ZC3H12B: variants seen among roughly 807,000 people sequenced by gnomAD.
ZC3H12B encodes the protein probable ribonuclease ZC3H12B.
Under a neutral mutation model 43.9 loss-of-function variants are expected in ZC3H12B, and 7 were observed. The ratio of observed to expected loss-of-function variants is 0.16; its 90% confidence interval spans 0.09 to 0.30. The LOEUF is 0.30. Ranked by LOEUF, ZC3H12B falls within the 10% of genes least tolerant of loss-of-function variation. The pLI is 1.00. For synonymous variants in ZC3H12B, 222 were observed against 241.7 expected, an observed-to-expected ratio of 0.92 and a Z score of 0.76; for missense variants, 475 against 670.2, an observed-to-expected ratio of 0.71 and a Z score of 3.22.
the ZC3H12B span, among the ~76,000 whole-genome samples, chrX:65,249,481 T>C: frequency 8.9e-6 from 1 of 112,203 alleles, no homozygotes; most frequent in African/African-American, 3.2e-5. Context: ...TACTTTGAAA[T>C]CAGGTTATGT....
the ZC3H12B span, among the ~76,000 whole-genome samples, chrX:65,083,997 A>G: frequency 2.7e-5 from 3 of 111,842 alleles, no homozygotes; most frequent in South Asian, 7.4e-4. Context: ...TGCTAAGAAC[A>G]TACACTGGGG....
At chrX:65,341,891 A>G in the ZC3H12B span, among the ~76,000 whole-genome samples, 318 of 111,417 alleles carry the variant, frequency 2.9e-3, 3 homozygotes, top group African/African-American at 9.9e-3. Context: ...AAACAAGATA[A>G]ATTCCCCAAT....
the ZC3H12B span, among the ~76,000 whole-genome samples, chrX:65,199,976 T>A: frequency 2.7e-5 from 3 of 110,928 alleles, no homozygotes; most frequent in African/African-American, 6.6e-5. Context: ...AGTAATGGCA[T>A]TTCTGGGTTA....
chrX:65,177,890 C>T, the ZC3H12B span, among the ~76,000 whole-genome samples: 1 of 111,944 alleles, frequency 8.9e-6, no homozygotes, highest in African/African-American at 3.2e-5. Context: ...CATCAAACAA[C>T]CATTGACTTT....
the ZC3H12B span, among the ~76,000 whole-genome samples, chrX:65,095,982 A>G: frequency 1.8e-5 from 2 of 111,250 alleles, no homozygotes; most frequent in Non-Finnish European, 3.8e-5. Flanking sequence ...ACCTTTCAAC[A>G]AAAGATTACA....
chrX:65,294,306 A>G, the ZC3H12B span, among the ~76,000 whole-genome samples: 3 of 111,928 alleles, frequency 2.7e-5, no homozygotes, highest in Non-Finnish European at 5.6e-5. Flanking sequence ...ACAAATGCTG[A>G]AAGAATTCAC....
chrX:65,431,472 C>T (rs984158619), intron 3 of ZC3H12B, among the ~76,000 whole-genome samples: 2 of 112,450 alleles, frequency 1.8e-5, no homozygotes, highest in Admixed American at 9.4e-5. Context: ...TCATGTTGCT[C>T]ACCTGATGCA....
At chrX:65,249,684 C>A in the ZC3H12B span, among the ~76,000 whole-genome samples, 30 of 111,160 alleles carry the variant, frequency 2.7e-4, no homozygotes, top group Non-Finnish European at 5.5e-4. Context: ...TAGCCATCCA[C>A]GAGCATGGGA....
At chrX:65,229,104 G>A in the ZC3H12B span, among the ~76,000 whole-genome samples, 6 of 110,099 alleles carry the variant, frequency 5.4e-5, no homozygotes, top group African/African-American at 1.7e-4. Context: ...GAACAAAGCT[G>A]GAGGCATCAC....
chrX:65,478,416 AT>A (rs1194543317), intron 3 of ZC3H12B, among the ~76,000 whole-genome samples: 5 of 111,713 alleles, frequency 4.5e-5, no homozygotes, highest in East Asian at 2.8e-4. Context: ...ATATCTCATA[AT>A]TTTTTTGTTG....
the ZC3H12B span, among the ~76,000 whole-genome samples, chrX:65,058,937 A>G: frequency 8.9e-6 from 1 of 112,029 alleles, no homozygotes; most frequent in Admixed American, 9.4e-5. Flanking sequence ...GCACAGTATT[A>G]GGGTTGGAGT....
chrX:65,070,879 A>T, the ZC3H12B span, among the ~76,000 whole-genome samples: 1 of 83,887 alleles, frequency 1.2e-5, no homozygotes, highest in African/African-American at 4.8e-5. Context: ...TGCATGGTCG[A>T]TTTTAGAGTA....
At chrX:65,264,278 CA>C in the ZC3H12B span, among the ~76,000 whole-genome samples, 1 of 110,897 alleles carries the variant, frequency 9.0e-6, no homozygotes, top group Non-Finnish European at 1.9e-5. Flanking sequence ...TCCATGTGAA[CA>C]AAAAGCACTT....
chrX:65,377,186 G>C (rs1395224836), intron 2 of ZC3H12B, among the ~76,000 whole-genome samples: 6 of 107,890 alleles, frequency 5.6e-5, no homozygotes, highest in Admixed American at 5.1e-4. Flanking sequence ...TAGTGGACTT[G>C]AAGGTAGGCT....
At chrX:65,118,750 A>T in the ZC3H12B span, among the ~76,000 whole-genome samples, 3 of 107,648 alleles carry the variant, frequency 2.8e-5, no homozygotes, top group East Asian at 6.0e-4. Flanking sequence ...TGCTGCACCC[A>T]TTAACTTCTC....
chrX:65,285,693 C>A, the ZC3H12B span, among the ~76,000 whole-genome samples: 1 of 111,652 alleles, frequency 9.0e-6, no homozygotes, highest in Non-Finnish European at 1.9e-5. Flanking sequence ...AGTACTACAA[C>A]AGATGTTCAA....
the ZC3H12B span, among the ~76,000 whole-genome samples, chrX:65,157,217 G>T: frequency 3.6e-5 from 4 of 111,613 alleles, no homozygotes; most frequent in Non-Finnish European, 5.6e-5. Flanking sequence ...CTGTGCTCAA[G>T]GTATCTGCCC....
chrX:65,227,671 A>G, the ZC3H12B span, among the ~76,000 whole-genome samples: 1 of 111,545 alleles, frequency 9.0e-6, no homozygotes, highest in Middle Eastern at 4.2e-3. Flanking sequence ...GAAGAATCAA[A>G]TAAACACAAT....
the ZC3H12B span, among the ~76,000 whole-genome samples, chrX:65,058,465 G>A: frequency 1.1e-3 from 125 of 112,280 alleles, no homozygotes; most frequent in African/African-American, 3.9e-3. Flanking sequence ...AACCAGCCAT[G>A]TGAGGTGTCA....
Sources: allele counts gnomAD v4.1 joint callset (sites outside exome capture counted in the v4.1 genomes callset), GRCh38; gene constraint gnomAD v4.1.1; transcripts MANE v1.5; gene names NCBI Gene and HGNC (gene_info 2026-07-23, HGNC 2026-07-21).